IPCEF1: variants seen among roughly 807,000 people sequenced by gnomAD.
IPCEF1 encodes interaction protein for cytohesin exchange factors 1.
A neutral mutation model predicts 50.9 loss-of-function variants in IPCEF1; 31 were observed. That is an observed-to-expected ratio of 0.61 (90% CI 0.46 to 0.82). The LOEUF (loss-of-function observed/expected upper bound fraction) is 0.82, where lower values mean the gene tolerates loss of function less well. Among genes scored for constraint, IPCEF1 ranks in the 40% least tolerant of loss-of-function variants. The pLI, the probability that IPCEF1 is intolerant of heterozygous loss-of-function variation, is 0.00. For synonymous variants in IPCEF1, 181 were observed against 192.0 expected (o/e 0.94, Z 0.47); for missense variants, 458 against 514.0 (o/e 0.89, Z 1.05).
chr6:154,315,997 G>A (rs577184269), intron 1 of IPCEF1, among the ~76,000 whole-genome samples: 13 of 152,122 alleles, frequency 8.5e-5, no homozygotes, highest in Admixed American at 5.2e-4. Flanking sequence ...GTAGCTGCGA[G>A]TACAGGCATG....
At chr6:154,225,162 A>G (rs1779155276) in intron 5 of IPCEF1, among the ~76,000 whole-genome samples, 1 of 152,200 alleles carries the variant, frequency 6.6e-6, no homozygotes, top group Non-Finnish European at 1.5e-5. Flanking sequence ...CTGAAAATCC[A>G]ACACCCAATG....
intron 5 of IPCEF1, among the ~76,000 whole-genome samples, chr6:154,230,577 G>C (rs1779641165): frequency 6.6e-6 from 1 of 152,192 alleles, no homozygotes; most frequent in Non-Finnish European, 1.5e-5. Context: ...GGAGAAATGA[G>C]AGTGACGTGT....
At chr6:154,162,982 T>C (rs1799146818) in intron 11 of IPCEF1, among the ~76,000 whole-genome samples, 1 of 152,188 alleles carries the variant, frequency 6.6e-6, no homozygotes, top group South Asian at 2.1e-4. Context: ...TAATGGTAAC[T>C]CCGTCTTTCC....
chr6:154,354,567 C>T (rs562668630), intron 1 of IPCEF1, among the ~76,000 whole-genome samples: 23 of 151,868 alleles, frequency 1.5e-4, no homozygotes, highest in Admixed American at 1.4e-3. Flanking sequence ...CCATCGCCTC[C>T]ACAACCACCT....
rs190101929 is a variant in IPCEF1 at position 154,312,567 on chromosome 6, C to T, written c.-61-22811G>A. On this transcript the variant is annotated intron_variant, in intron 1 of 11. Transcript: ENST00000367220. ...TTCACCATGTTGGCCAGGCTGGTCT[C>T]GAACTCCTGACCTCATGATCCGCCC... is the stretch of plus-strand genomic sequence containing the variant. Among the ~76,000 whole-genome samples, 1,465 of 152,044 alleles carry T rather than the reference C, an allele frequency of 9.6e-3. 19 individuals carry two copies. The highest frequency in any genetic ancestry group is 0.027 in the Middle Eastern group (8 of 294).
At chr6:154,288,524 G>A (rs1207412233) in intron 2 of IPCEF1, among the ~76,000 whole-genome samples, 1 of 151,926 alleles carries the variant, frequency 6.6e-6, no homozygotes, top group Non-Finnish European at 1.5e-5. Context: ...TTAACCCGGT[G>A]TGGCGGCAGG....
At chr6:154,263,332 A>G (rs1411196128) in intron 3 of IPCEF1, among the ~76,000 whole-genome samples, 3 of 147,924 alleles carry the variant, frequency 2.0e-5, no homozygotes, top group Admixed American at 6.8e-5. Flanking sequence ...AGTGGAGGGA[A>G]GGTCAGCACA....
intron 10 of IPCEF1, among the ~76,000 whole-genome samples, chr6:154,190,790 C>T (rs1369456536): frequency 6.6e-6 from 1 of 152,168 alleles, no homozygotes; most frequent in Non-Finnish European, 1.5e-5. Flanking sequence ...GAATAACAAA[C>T]TGTGATGCAT....
chr6:154,291,407 AT>A (rs1381861814), intron 1 of IPCEF1, among the ~76,000 whole-genome samples: 2 of 152,006 alleles, frequency 1.3e-5, no homozygotes, highest in Admixed American at 6.6e-5. Context: ...TTCTTTTTAA[AT>A]TTTTTTTCCA....
chr6:154,174,360 T>C (rs1288066907), intron 10 of IPCEF1, among the ~76,000 whole-genome samples: 1 of 152,122 alleles, frequency 6.6e-6, no homozygotes, highest in East Asian at 1.9e-4. Flanking sequence ...ATGTCCCAAT[T>C]AAAAGACACG....
At chr6:154,276,895 A>C (rs932003169) in intron 2 of IPCEF1, among the ~76,000 whole-genome samples, 1 of 152,226 alleles carries the variant, frequency 6.6e-6, no homozygotes, top group Admixed American at 6.5e-5. Context: ...AGAATGAGTA[A>C]GCTATTTACC....
intron 1 of IPCEF1, among the ~76,000 whole-genome samples, chr6:154,334,976 C>A (rs1783758017): frequency 1.3e-5 from 2 of 152,048 alleles, no homozygotes; most frequent in Non-Finnish European, 2.9e-5. Context: ...TCCAGACCCA[C>A]CAAGAATAAT....
At chr6:154,218,593 C>CAGTA (rs1778604611) in intron 7 of IPCEF1, among the ~76,000 whole-genome samples, 2 of 152,174 alleles carry the variant, frequency 1.3e-5, no homozygotes, top group Non-Finnish European at 2.9e-5. Flanking sequence ...CCGGCTGCAT[C>CAGTA]AGTAAGAAGG....
rs568199014 is a variant in IPCEF1 at position 154,291,934 on chromosome 6, C to T, written c.-61-2178G>A. On this transcript the variant is annotated intron_variant, in intron 1 of 11. Transcript: ENST00000367220. ...TCCTGACCTCGTGATCCACCCGCCT[C>T]GGCCTCCCAAAGTGCTGGGATTACA... Among the ~76,000 whole-genome samples the T allele has an allele frequency of 1.1e-4, 16 of 152,228 alleles. No individual in the cohort carries two copies. In the South Asian group the frequency reaches 2.5e-3, roughly 24 times the overall value.
intron 9 of IPCEF1, among the ~76,000 whole-genome samples, chr6:154,212,544 G>A (rs146184374): frequency 6.0e-4 from 91 of 152,258 alleles, no homozygotes; most frequent in African/African-American, 2.1e-3. Context: ...CTCTGAGTAC[G>A]GTACATCTTC....
chr6:154,338,401 G>A (rs1783834156), intron 1 of IPCEF1, among the ~76,000 whole-genome samples: 2 of 152,210 alleles, frequency 1.3e-5, no homozygotes, highest in South Asian at 4.1e-4. Flanking sequence ...TGTCCATCTT[G>A]TTAGTGACAA....
chr6:154,323,733 A>T lies in IPCEF1; in HGVS notation c.-62+32939T>A, dbSNP rs565181442. 4.6e-5 allele frequency among the ~76,000 whole-genome samples: 7 copies of T among 152,270 alleles called. No homozygotes were observed. The South Asian group carries it at 1.4e-3, about 32-fold the overall frequency. ...TTTGGGAGGCCGAGGTGGGCAGATC[A>T]CCTGAGGTCAGGAGTTCAAGACCAG... On this transcript the variant is annotated intron_variant, in intron 1 of 11. Coordinates refer to ENST00000367220, the MANE Select transcript of IPCEF1 (RefSeq NM_001130700.2).
At chr6:154,311,118 T>C (rs114301879) in intron 1 of IPCEF1, among the ~76,000 whole-genome samples, 106 of 152,310 alleles carry the variant, frequency 7.0e-4, no homozygotes, top group African/African-American at 2.5e-3. Flanking sequence ...TTGTAACCCA[T>C]AAATATGCAC....
chr6:154,350,249 T>G lies in IPCEF1; in HGVS notation c.-62+6423A>C, dbSNP rs1011365418. On this transcript the variant is annotated intron_variant, in intron 1 of 11. Transcript: ENST00000367220. ...ATCACATTGCATCATTTTCAGAATA[T>G]TTGAACTTTTATTTCAATACAAACT... Among the ~76,000 whole-genome samples, 9 of 152,324 alleles carry G rather than the reference T, an allele frequency of 5.9e-5. No homozygotes were observed. The East Asian group carries it at 1.7e-3, about 29-fold the overall frequency.
Sources: allele counts gnomAD v4.1 joint callset (sites outside exome capture counted in the v4.1 genomes callset), GRCh38; gene constraint gnomAD v4.1.1; transcripts MANE v1.5; gene names NCBI Gene and HGNC (gene_info 2026-07-23, HGNC 2026-07-21).